Variants in KCNT2 observed in about 807,000 individuals in gnomAD.
KCNT2 encodes potassium channel subfamily T member 2.
A neutral mutation model predicts 153.8 loss-of-function variants in KCNT2; 67 were observed. The ratio of observed to expected loss-of-function variants is 0.44; its 90% CI spans 0.36 to 0.53. KCNT2 has a LOEUF of 0.53. Ranked by LOEUF, KCNT2 falls within the 20% of genes least tolerant of loss-of-function variation. The pLI, the probability that KCNT2 is intolerant of heterozygous loss-of-function variation, is 0.00. For synonymous variants in KCNT2, 500 were observed against 458.8 expected (o/e 1.09, Z -1.15); for missense variants, 975 against 1,354.8 (o/e 0.72, Z 4.40).
chr1:196,522,722 G>A (rs1293961509), intron 1 of KCNT2, among the ~76,000 whole-genome samples: 2 of 152,098 alleles, frequency 1.3e-5, no homozygotes, highest in South Asian at 2.1e-4. Flanking sequence ...CTGTAAAAAC[G>A]CAGCAATCAG....
chr1:196,604,114 T>C (rs1475944111), intron 1 of KCNT2, among the ~76,000 whole-genome samples: 4 of 152,230 alleles, frequency 2.6e-5, no homozygotes, highest in Admixed American at 2.6e-4. Flanking sequence ...GAGCTATCTC[T>C]AATATGTGAT....
chr1:196,357,799 T>A (rs1253885468), intron 14 of KCNT2, among the ~76,000 whole-genome samples: 6 of 151,846 alleles, frequency 4.0e-5, no homozygotes, highest in African/African-American at 1.5e-4. Context: ...GTAACTTTAT[T>A]GCTTTCCCAA....
rs553464411 is a variant in KCNT2, at chr1:196,313,131, T to C, written c.2483+2761A>G. Among the ~76,000 whole-genome samples, 6 of 151,664 alleles carry C rather than the reference T, an allele frequency of 4.0e-5. No homozygotes were observed. The South Asian group carries it at 1.0e-3, about 26-fold the overall frequency. On this transcript the variant is annotated intron_variant, in intron 21 of 27. Transcript: ENST00000294725. ...TCATGACTGATCATAGATTTGAATC[T>C]GGGTAAGGAAGGGAAAAAGCCCTCA...
At chr1:196,528,451 C>T (rs562558126) in intron 1 of KCNT2, among the ~76,000 whole-genome samples, 18 of 152,132 alleles carry the variant, frequency 1.2e-4, no homozygotes, top group African/African-American at 3.9e-4. Flanking sequence ...TAGAATTGTT[C>T]GAGCTAGAAT....
intron 16 of KCNT2, among the ~76,000 whole-genome samples, chr1:196,334,483 C>CTTTTTTTTTTTTTTTT (rs757677685): frequency 9.4e-5 from 4 of 42,364 alleles, no homozygotes; most frequent in African/African-American, 2.0e-4. Flanking sequence ...TTCTTTCTTT[C>CTTTTTTTTTTTTTTTT]TTTCTTTTTT....
intron 25 of KCNT2, among the ~76,000 whole-genome samples, chr1:196,259,077 A>G (rs1214710418): frequency 1.3e-5 from 2 of 152,144 alleles, no homozygotes; most frequent in Non-Finnish European, 2.9e-5. Flanking sequence ...TTTATTATTA[A>G]CCATATAAAG....
intron 14 of KCNT2, among the ~76,000 whole-genome samples, chr1:196,344,328 C>T (rs990178449): frequency 1.3e-5 from 2 of 152,078 alleles, no homozygotes; most frequent in Non-Finnish European, 2.9e-5. Context: ...AACAATAATG[C>T]TTTTAAAACC....
chr1:196,400,002 T>C (rs1374330211), intron 12 of KCNT2, among the ~76,000 whole-genome samples: 1 of 151,788 alleles, frequency 6.6e-6, no homozygotes, highest in Non-Finnish European at 1.5e-5. Context: ...GTCTATGCTA[T>C]TTTGTTATAG....
intron 25 of KCNT2, among the ~76,000 whole-genome samples, chr1:196,270,073 GT>G (rs770356667): frequency 3.3e-5 from 5 of 151,904 alleles, no homozygotes; most frequent in Middle Eastern, 3.2e-3. Context: ...GTAGTGGGAT[GT>G]TTTTTATCTT....
chr1:196,573,175 A>G (rs903968686), intron 1 of KCNT2, among the ~76,000 whole-genome samples: 5 of 152,112 alleles, frequency 3.3e-5, no homozygotes, highest in African/African-American at 1.2e-4. Context: ...CTACACAGAA[A>G]AATATGAGAG....
At chr1:196,327,096 G>T (rs1422521280) in intron 18 of KCNT2, among the ~76,000 whole-genome samples, 1 of 152,098 alleles carries the variant, frequency 6.6e-6, no homozygotes, top group Non-Finnish European at 1.5e-5. Context: ...AAAATGAATT[G>T]CAGGTTTGTA....
Position 196,608,323 on chromosome 1 carries a change from G to A in KCNT2, c.-14C>T, listed in dbSNP as rs764449150. 8 of 1,598,554 alleles carry A rather than the reference G, an allele frequency of 5.0e-6. No individual in the cohort carries two copies. In the South Asian group the frequency reaches 7.7e-5, roughly 15 times the overall value. ...CAAATCAACCATCCTTCCTCAAAGA[G>A]TGGGAAACATCAAACAACAAATGGA... On this transcript the variant is annotated 5_prime_UTR_variant, in exon 1 of 28. Coordinates refer to ENST00000294725, the MANE Select transcript of KCNT2 (RefSeq NM_198503.5).
At chr1:196,601,315 T>A (rs1190622678) in intron 1 of KCNT2, among the ~76,000 whole-genome samples, 4 of 152,358 alleles carry the variant, frequency 2.6e-5, no homozygotes, top group Middle Eastern at 3.4e-3. Context: ...CATAACATTG[T>A]GCCATTCTCC....
intron 8 of KCNT2, among the ~76,000 whole-genome samples, chr1:196,452,953 C>A (rs963493645): frequency 5.9e-5 from 9 of 151,934 alleles, no homozygotes; most frequent in Non-Finnish European, 1.3e-4. Context: ...CTAACAGAAA[C>A]ACTCAGAATG....
At chr1:196,397,039 C>T (rs1670996422) in intron 13 of KCNT2, among the ~76,000 whole-genome samples, 1 of 151,316 alleles carries the variant, frequency 6.6e-6, no homozygotes, top group Admixed American at 6.6e-5. Context: ...ATGTTTCAGA[C>T]ATTATTTATT....
intron 13 of KCNT2, among the ~76,000 whole-genome samples, chr1:196,380,322 A>G (rs1401848250): frequency 2.0e-5 from 3 of 152,216 alleles, no homozygotes. Flanking sequence ...TTCTAAAATA[A>G]AAAATTACAA....
chr1:196,601,579 G>A (rs1664728135), intron 1 of KCNT2, among the ~76,000 whole-genome samples: 1 of 152,162 alleles, frequency 6.6e-6, no homozygotes, highest in East Asian at 1.9e-4. Context: ...ATCCACAACT[G>A]TCAGAAGTTT....
At chr1:196,483,554 T>C (rs1324257407) in intron 3 of KCNT2, among the ~76,000 whole-genome samples, 1 of 152,194 alleles carries the variant, frequency 6.6e-6, no homozygotes, top group Non-Finnish European at 1.5e-5. Flanking sequence ...CTTAGACTTA[T>C]TCAAGTGGAC....
At chr1:196,554,171 C>T (rs1054035846) in intron 1 of KCNT2, among the ~76,000 whole-genome samples, 14 of 150,588 alleles carry the variant, frequency 9.3e-5, no homozygotes, top group Admixed American at 6.6e-5. Flanking sequence ...AAGATCAGAG[C>T]AGAAATAAAT....
Sources: allele counts gnomAD v4.1 joint callset (sites outside exome capture counted in the v4.1 genomes callset), GRCh38; gene constraint gnomAD v4.1.1; transcripts MANE v1.5; gene names NCBI Gene and HGNC (gene_info 2026-07-23, HGNC 2026-07-21).